The following PRTG variants were observed in gnomAD, a reference collection of about 807,000 sequenced individuals.
PRTG encodes immunoglobulin superfamily, DCC subclass, member 5.
In PRTG, 67 loss-of-function variants were observed where a neutral mutation model predicts 122.5. The observed-to-expected ratio is 0.55, with a 90% confidence interval of 0.45 to 0.67. The LOEUF is 0.67. Among genes scored for constraint, PRTG ranks in the 30% least tolerant of loss-of-function variants. The pLI is 0.00. For synonymous variants in PRTG, 554 were observed against 501.1 expected (o/e 1.11, Z -1.41); for missense variants, 1,435 against 1,415.4 (o/e 1.01, Z -0.22).
At chr15:55,721,593 A>G (rs569991786) in intron 2 of PRTG, among the ~76,000 whole-genome samples, 1 of 152,270 alleles carries the variant, frequency 6.6e-6, no homozygotes, top group South Asian at 2.1e-4. Flanking sequence ...TTTTCCTTCA[A>G]AATTTAGCTT....
intron 2 of PRTG, among the ~76,000 whole-genome samples, chr15:55,735,898 C>A (rs1247357206): frequency 6.6e-6 from 1 of 152,004 alleles, no homozygotes; most frequent in Non-Finnish European, 1.5e-5. Context: ...ACTTTAAGAA[C>A]CAAATGTCAT....
chr15:55,687,963 C>T (rs533556553), intron 2 of PRTG, among the ~76,000 whole-genome samples: 119 of 152,334 alleles, frequency 7.8e-4, no homozygotes, highest in African/African-American at 2.6e-3. Flanking sequence ...TCTCTTCCCT[C>T]CCCTCTGGGA....
At chr15:55,652,519 C>A (rs975261799) in intron 11 of PRTG, among the ~76,000 whole-genome samples, 3 of 152,080 alleles carry the variant, frequency 2.0e-5, no homozygotes, top group African/African-American at 7.2e-5. Flanking sequence ...TGCCCCCAAG[C>A]CTGTCCCTTC....
Position 55,613,759 on chromosome 15 carries a change from CTTTTTTTTTTTT to C in PRTG, c.*6241_*6252del, listed in dbSNP as rs61634198. ...ACTATGACCCTGGGTGATTAAATAC[CTTTTTTTTTTTT>C]TTTTTTTTTTAAGCTGAGACAATGT... On this transcript the variant is annotated 3_prime_UTR_variant, in exon 20 of 20. Transcript: ENST00000389286. 5 of 120,526 alleles carry C rather than the reference CTTTTTTTTTTTT, an allele frequency of 4.1e-5. No individual in the cohort carries two copies. Among genetic ancestry groups the C allele is most frequent in the South Asian group, 2.8e-4 (1 of 3,538 alleles). 7.5% of individuals were successfully genotyped at this position (120,526 alleles called of 1,614,324 possible).
chr15:55,722,473 T>G (rs546022181), intron 2 of PRTG, among the ~76,000 whole-genome samples: 1 of 152,266 alleles, frequency 6.6e-6, no homozygotes, highest in Non-Finnish European at 1.5e-5. Context: ...AATTTTAGTG[T>G]CTACAATGTG....
At chr15:55,732,416 C>T (rs578147020) in intron 2 of PRTG, among the ~76,000 whole-genome samples, 25 of 151,580 alleles carry the variant, frequency 1.6e-4, no homozygotes, top group Non-Finnish European at 2.2e-4. Flanking sequence ...AACTCCTGAC[C>T]TCAACTGATC....
At chr15:55,742,473 C>T (rs575526792) in intron 1 of PRTG, 24 of 222,204 alleles carry the variant, frequency 1.1e-4, no homozygotes, top group Admixed American at 2.3e-4. Flanking sequence ...GGCTGGCGAC[C>T]CGGAGTCCGG....
At position 55,683,748 on chromosome 15, in the gene PRTG, A is replaced by C. The variant is rs78081590; in HGVS notation, c.542+39T>G. 7.9e-4 allele frequency: 1,234 copies of C among 1,559,156 alleles called. 9 individuals are homozygous for C. In the African/African-American group the frequency reaches 0.015, roughly 19 times the overall value. ...TATAATCTCATATGAAGTCTTCATTACTCCCATATCATCTCCAAAGACAAA... is the reference window on the plus strand; with the variant it reads ...TATAATCTCATATGAAGTCTTCATTCCTCCCATATCATCTCCAAAGACAAA... On this transcript the variant is annotated intron_variant, in intron 3 of 19. Coordinates refer to ENST00000389286, the MANE Select transcript of PRTG (RefSeq NM_173814.6).
intron 5 of PRTG, 132 bp from the exon 6 acceptor site, chr15:55,680,344 T>C (rs1287590327): frequency 8.9e-7 from 1 of 1,121,640 alleles, no homozygotes; most frequent in African/African-American, 1.6e-5. Flanking sequence ...TTAAGACCTT[T>C]TCTCTACTCA....
intron 11 of PRTG, among the ~76,000 whole-genome samples, chr15:55,641,524 G>C (rs886559391): frequency 6.6e-6 from 1 of 152,006 alleles, no homozygotes; most frequent in Non-Finnish European, 1.5e-5. Flanking sequence ...GATTTTAAAA[G>C]CCTTCAGTTT....
At chr15:55,721,218 T>A (rs1025903405) in intron 2 of PRTG, among the ~76,000 whole-genome samples, 1 of 152,156 alleles carries the variant, frequency 6.6e-6, no homozygotes, top group Non-Finnish European at 1.5e-5. Context: ...AGTGCTCCAG[T>A]CCAAGCCCTT....
At chr15:55,726,341 T>C (rs2031029969) in intron 2 of PRTG, among the ~76,000 whole-genome samples, 1 of 152,170 alleles carries the variant, frequency 6.6e-6, no homozygotes, top group Admixed American at 6.5e-5. Flanking sequence ...CCTCCCAAAG[T>C]GCTGGGATTA....
chr15:55,692,597 C>T (rs1010936595), intron 2 of PRTG, among the ~76,000 whole-genome samples: 1 of 151,952 alleles, frequency 6.6e-6, no homozygotes, highest in Non-Finnish European at 1.5e-5. Context: ...AACTGGGAAA[C>T]TGTAAAATTG....
In PRTG at chr15:55,637,258, G is replaced by C; in HGVS notation, c.2535C>G (p.Gly845=). 1.2e-6 allele frequency: 2 copies of C among 1,613,908 alleles called. No individual in the cohort carries two copies. The highest frequency in any genetic ancestry group is 2.2e-5 in the South Asian group (2 of 91,050). Residue 845 remains glycine, a synonymous_variant, in exon 15 of 20, where the codon GGC becomes GGG. Coordinates refer to ENST00000389286, the MANE Select transcript of PRTG (RefSeq NM_173814.6). ...TATAGCGGGTCACAACTGTTTCTGGGCCATCAGGGGGTTTCCAAGAAACCA... is the reference window on the plus strand; with the variant it reads ...TATAGCGGGTCACAACTGTTTCTGGCCCATCAGGGGGTTTCCAAGAAACCA... ...TALVSWKPPD[G]PETVVTRYTI... is the part of the protein sequence containing the mutation.
rs2031666640 is a variant in PRTG, at chr15:55,742,969, G to C, written c.-38C>G. The C allele has an allele frequency of 1.4e-6, 2 of 1,460,900 alleles. No individual in the cohort carries two copies. Among genetic ancestry groups the C allele is most frequent in the East Asian group, 5.9e-5 (2 of 33,806 alleles). The allele number at this position is 1,460,900 out of a possible 1,614,324, so 90.5% of individuals were successfully genotyped here. ...CGCGGGCATGCTCCCCGGCCGCCCA[G>C]AGCCCCTGTCCGTCTGCGGCCCCCG... is the stretch of plus-strand genomic sequence containing the variant. On this transcript the variant is annotated 5_prime_UTR_variant, in exon 1 of 20. Coordinates refer to ENST00000389286, the MANE Select transcript of PRTG (RefSeq NM_173814.6).
rs370018448 is a variant in PRTG, at chr15:55,645,415, C to T, written c.2042-4207G>A. On this transcript the variant is annotated intron_variant, in intron 11 of 19. Transcript: ENST00000389286. ...CGCCACTGCACTCCAGCCTGGGCGA[C>T]AGAGCGAAACTCCGTCTCAAAAAAA... Among the ~76,000 whole-genome samples the T allele has an allele frequency of 8.9e-4, 34 of 38,332 alleles. 1 individual carries two copies. In the East Asian group the frequency reaches 9.8e-3, roughly 11 times the overall value. The allele number at this position is 38,332 out of a possible 152,430, so 25.1% of individuals were successfully genotyped here. A position where few individuals can be genotyped will look rare whatever the true frequency, so the allele number is the denominator to read the frequency against.
chr15:55,627,576 G>A (rs1470360991), intron 16 of PRTG, among the ~76,000 whole-genome samples: 1 of 147,494 alleles, frequency 6.8e-6, no homozygotes, highest in African/African-American at 2.5e-5. Flanking sequence ...TCCTGACCTC[G>A]TGATCCGCTT....
In PRTG at chr15:55,619,934, T is replaced by G; in HGVS notation, c.*78A>C. The stretch of plus-strand genomic sequence containing the variant: ...CTGCAGAACTAAGGAGGAAGTCTGC[T>G]CACTAACAGATGACACAGCAGGGTC... On this transcript the variant is annotated 3_prime_UTR_variant, in exon 20 of 20. Coordinates refer to ENST00000389286, the MANE Select transcript of PRTG (RefSeq NM_173814.6). 1.3e-6 allele frequency: 2 copies of G among 1,576,546 alleles called. No homozygotes were observed. Among genetic ancestry groups the G allele is most frequent in the Non-Finnish European group, 1.7e-6 (2 of 1,161,850 alleles).
chr15:55,668,424 G>C (rs573958706), intron 11 of PRTG, among the ~76,000 whole-genome samples: 1 of 152,056 alleles, frequency 6.6e-6, no homozygotes, highest in African/African-American at 2.4e-5. Flanking sequence ...ATGAAAAAAG[G>C]GGAACAAATC....
Sources: gnomAD v4.1 joint callset for allele counts (sites outside exome capture counted in the v4.1 genomes callset) on GRCh38, gnomAD v4.1.1 for gene constraint, MANE v1.5 for transcripts, NCBI Gene and HGNC (gene_info 2026-07-23, HGNC 2026-07-21) for gene names.